The following EIF2D variants were observed in gnomAD, a reference collection of about 807,000 sequenced individuals.
EIF2D encodes the protein hepatocellular carcinoma-associated antigen 56.
In EIF2D, 56 loss-of-function variants were observed where a neutral mutation model predicts 77.4. That is an observed-to-expected ratio of 0.72 (90% confidence interval 0.58 to 0.90). EIF2D has a LOEUF of 0.90. Among genes scored for constraint, EIF2D ranks in the 40% least tolerant of loss-of-function variants. The pLI, the probability that EIF2D is intolerant of heterozygous loss-of-function variation, is 0.00. For synonymous variants in EIF2D, 230 were observed against 271.0 expected, an observed-to-expected ratio of 0.85 and a Z score of 1.49; for missense variants, 574 against 706.5, an observed-to-expected ratio of 0.81 and a Z score of 2.13.
At chr1:206,610,689 C>T (rs1334310788) in intron 2 of EIF2D, among the ~76,000 whole-genome samples, 3 of 152,002 alleles carry the variant, frequency 2.0e-5, no homozygotes, top group Non-Finnish European at 2.9e-5. Context: ...GGTGTGGTGG[C>T]GGGTGCCTGT....
At chr1:206,590,401 A>G (rs1669304556), downstream of EIF2D, among the ~76,000 whole-genome samples, 1 of 152,212 alleles carries the variant, frequency 6.6e-6, no homozygotes, top group South Asian at 2.1e-4. Flanking sequence ...GTGCAAAACA[A>G]ATCAAGTTTG....
chr1:206,607,467 A>C (rs571091701), intron 4 of EIF2D, among the ~76,000 whole-genome samples: 33 of 152,324 alleles, frequency 2.2e-4, no homozygotes, highest in African/African-American at 7.9e-4. Context: ...TTTTAAAAAG[A>C]AGCATTGGAG....
intron 4 of EIF2D, among the ~76,000 whole-genome samples, chr1:206,576,257 T>C (rs1247651724): frequency 2.0e-5 from 3 of 152,212 alleles, no homozygotes; most frequent in Non-Finnish European, 4.4e-5. Context: ...AGCCAGCAGC[T>C]GCAGAGATCT....
chr1:206,611,986 A>T (rs1553414122), intron 1 of EIF2D, among the ~76,000 whole-genome samples: 1 of 152,182 alleles, frequency 6.6e-6, no homozygotes, highest in African/African-American at 2.4e-5. Flanking sequence ...GGAGGGCAAG[A>T]ATTCTGTATT....
At chr1:206,611,845 G>A (rs1553414081) in intron 1 of EIF2D, among the ~76,000 whole-genome samples, 8 of 152,180 alleles carry the variant, frequency 5.3e-5, no homozygotes, top group Non-Finnish European at 1.2e-4. Context: ...CTTACCACAT[G>A]TGCCTTATTC....
intron 14 of EIF2D, 21 bp from the exon 15 acceptor site, chr1:206,591,866 A>G (rs782672599): frequency 1.2e-6 from 2 of 1,613,364 alleles, no homozygotes; most frequent in South Asian, 1.1e-5. Context: ...AAAAGCACAC[A>G]CTCCTCAGCG....
chr1:206,595,416 T>G (rs1198667922), intron 13 of EIF2D: 1 of 188,686 alleles, frequency 5.3e-6, no homozygotes, highest in Non-Finnish European at 1.1e-5. Context: ...TGAAAGAATA[T>G]GTGGGAGCTG....
At chr1:206,593,504 A>AGTGTGTGTGTGTGTGT (rs1476375070) in intron 14 of EIF2D, 115 bp downstream of exon 14, 4 of 405,062 alleles carry the variant, frequency 9.9e-6, no homozygotes, top group African/African-American at 4.5e-5. Flanking sequence ...AGAGAGAGAG[A>AGTGTGTGTGTGTGTGT]GAGAGTGTGT....
Position 206,577,458 on chromosome 1 carries a change from T to A in EIF2D, c.*254+3234A>T, listed in dbSNP as rs146252524. ...CCATTATCTCATTTGATTTTTACCT[T>A]CACATCAATCCTGTGAGACAATAAG... On this transcript the variant is annotated intron_variant and NMD_transcript_variant, in intron 4 of 5. Transcript: ENST00000472709. 1.2e-3 allele frequency among the ~76,000 whole-genome samples: 182 copies of A among 152,326 alleles called. 2 individuals carry two copies. The highest frequency in any genetic ancestry group is 4.2e-3 in the African/African-American group (176 of 41,568).
intron 4 of EIF2D, among the ~76,000 whole-genome samples, chr1:206,577,199 C>T (rs1553405344): frequency 2.0e-5 from 3 of 152,112 alleles, no homozygotes; most frequent in Admixed American, 6.6e-5. Flanking sequence ...CAACAGACTG[C>T]GTGGCCTGCA....
intron 4 of EIF2D, among the ~76,000 whole-genome samples, chr1:206,578,586 A>C (rs1472182929): frequency 6.6e-6 from 1 of 152,180 alleles, no homozygotes; most frequent in Non-Finnish European, 1.5e-5. Flanking sequence ...AAGACTGACA[A>C]ATTTAAAAAG....
Position 206,611,224 on chromosome 1 carries a change from G to T in EIF2D, c.207C>A (p.Asn69Lys), listed in dbSNP as rs1670479623. ...TTTTCTCCAGTTCAAAGAGGATGGGGTTACCACCACTCACGTACACAGTCA... is the reference window on the plus strand; with the variant it reads ...TTTTCTCCAGTTCAAAGAGGATGGGTTTACCACCACTCACGTACACAGTCA... Reference protein sequence around the residue: ...DAVTVYVSGGNPILFELEKNL... With the variant: ...DAVTVYVSGGKPILFELEKNL... Residue 69 changes from asparagine (N) to lysine (K), a missense_variant, in exon 2 of 15, where the codon AAC becomes AAA. Coordinates refer to ENST00000271764, the MANE Select transcript of EIF2D (RefSeq NM_006893.3). 1 of 1,613,986 alleles carries T rather than the reference G, an allele frequency of 6.2e-7. No homozygotes were observed. Among genetic ancestry groups the T allele is most frequent in the Non-Finnish European group, 8.5e-7 (1 of 1,180,002 alleles).
chr1:206,585,011 AT>A, intron 2 of EIF2D: 1 of 638,502 alleles, frequency 1.6e-6, no homozygotes, highest in South Asian at 1.9e-5. Context: ...GACACCCAAG[AT>A]AAAAGGTTAT....
At chr1:206,586,704 A>G (rs1287884623), downstream of EIF2D, 3 of 774,506 alleles carry the variant, frequency 3.9e-6, no homozygotes, top group Non-Finnish European at 6.4e-6. Context: ...TCAGTAGCAA[A>G]CTGTGTGTGA....
rs1669822663 is a variant in EIF2D at position 206,599,630 on chromosome 1, G to A, written c.1053-18C>T. On this transcript the variant is annotated intron_variant, in intron 9 of 14. Coordinates refer to ENST00000271764, the MANE Select transcript of EIF2D (RefSeq NM_006893.3). The surrounding 1 kb of genome is among the most constrained non-coding windows in gnomAD (Gnocchi z 4.1). ...ATGTAATCCTAAAACCCAGCAGAAG[G>A]AAAGAAAAAACACATTTTATACTAG... 1.3e-6 allele frequency: 2 copies of A among 1,599,596 alleles called. No individual in the cohort carries two copies. The highest frequency in any genetic ancestry group is 1.7e-6 in the Non-Finnish European group (2 of 1,173,262).
downstream of EIF2D, chr1:206,587,490 G>A (rs537802857): frequency 1.4e-4 from 24 of 173,906 alleles, 1 homozygote; most frequent in South Asian, 1.7e-3. Context: ...GACTGTTCCC[G>A]CGGCCCCAAG....
chr1:206,571,924 TTGAG>T (rs1465198636), intron 5 of EIF2D, among the ~76,000 whole-genome samples: 28 of 152,176 alleles, frequency 1.8e-4, no homozygotes, highest in Admixed American at 1.5e-3. Flanking sequence ...TCTCAGAAGA[TTGAG>T]TGTCACCCTC....
Position 206,599,894 on chromosome 1 carries a change from AC to A in EIF2D, c.949-59del. On this transcript the variant is annotated intron_variant, in intron 8 of 14. Coordinates refer to ENST00000271764, the MANE Select transcript of EIF2D (RefSeq NM_006893.3). The surrounding 1 kb of genome is among the most constrained non-coding windows in gnomAD (Gnocchi z 4.1). The stretch of plus-strand genomic sequence containing the variant: ...CATTGATTCCACACACATACTGAGC[AC>A]CCAGGATGTGCCAGAGTGAGCTAGG... 6.6e-7 allele frequency: 1 copy of A among 1,507,038 alleles called. No individual in the cohort carries two copies. The highest frequency in any genetic ancestry group is 9.2e-7 in the Non-Finnish European group (1 of 1,087,036). The allele number at this position is 1,507,038 out of a possible 1,614,324, so 93.4% of individuals were successfully genotyped here.
In EIF2D at chr1:206,573,024, C is replaced by G. The variant is rs141305301; in HGVS notation, c.*255-325G>C. 1.9e-3 allele frequency among the ~76,000 whole-genome samples: 294 copies of G among 152,244 alleles called. 2 individuals are homozygous for G. Among genetic ancestry groups the G allele is most frequent in the East Asian group, 0.01 (53 of 5,194 alleles). On this transcript the variant is annotated intron_variant and NMD_transcript_variant, in intron 4 of 5. Transcript: ENST00000472709. Reference sequence around the variant, plus strand: ...TACTGAAGATGATGATGATCATGATCATGATGATGATGGTGATGATGATAA... The same window carrying G: ...TACTGAAGATGATGATGATCATGATGATGATGATGATGGTGATGATGATAA...
Sources: gnomAD v4.1 joint callset for allele counts (sites outside exome capture counted in the v4.1 genomes callset) on GRCh38, gnomAD v4.1.1 for gene constraint, Gnocchi (gnomAD v3.1) non-coding constraint, MANE v1.5 for transcripts, NCBI Gene and HGNC (gene_info 2026-07-23, HGNC 2026-07-21) for gene names.